ZC2HC1A: variants seen among roughly 807,000 people sequenced by gnomAD.
The protein encoded by ZC2HC1A is zinc finger C2HC-type containing 1A.
ZC2HC1A carries 28 observed loss-of-function variants against 40.7 expected under a neutral mutation model. The observed-to-expected ratio is 0.69, with a 90% confidence interval of 0.51 to 0.94. The LOEUF (loss-of-function observed/expected upper bound fraction) is 0.94, where lower values mean the gene tolerates loss of function less well. ZC2HC1A is among the 40% of genes least tolerant of loss of function. The probability of loss-of-function intolerance (pLI) is 0.00; values close to 1 mark genes in which losing one functional copy is unlikely to be tolerated. For missense variants in ZC2HC1A, 389 were observed against 386.3 expected (o/e 1.01, Z -0.06); for synonymous variants, 129 against 129.2 (o/e 1.00, Z 0.01).
At chr8:78,716,853 G>T (rs937761432) in intron 8 of ZC2HC1A, among the ~76,000 whole-genome samples, 16 of 152,208 alleles carry the variant, frequency 1.1e-4, no homozygotes, top group African/African-American at 3.6e-4. Flanking sequence ...AGTTCTCAAT[G>T]TATCTGATTG....
In ZC2HC1A at chr8:78,707,067, G is replaced by C. The variant is rs56815353; in HGVS notation, c.705-8154G>C. ...TCTGATTTATTTTCTTCTCCAATGAGTTGACTCATTGGATGATTAAGTGAA... is the reference window on the plus strand; with the variant it reads ...TCTGATTTATTTTCTTCTCCAATGACTTGACTCATTGGATGATTAAGTGAA... On this transcript the variant is annotated intron_variant, in intron 7 of 8. Coordinates refer to ENST00000263849, the MANE Select transcript of ZC2HC1A (RefSeq NM_016010.3). Among the ~76,000 whole-genome samples, 5 of 152,282 alleles carry C rather than the reference G, an allele frequency of 3.3e-5. No homozygotes were observed. The Middle Eastern group carries it at 0.01, about 311-fold the overall frequency.
chr8:78,682,030 G>A (rs138379775), intron 3 of ZC2HC1A, among the ~76,000 whole-genome samples: 40 of 151,430 alleles, frequency 2.6e-4, no homozygotes, highest in East Asian at 1.4e-3. Flanking sequence ...GGCATGAGCC[G>A]TCATACCTAG....
chr8:78,711,947 A>G, intron 7 of ZC2HC1A: 1 of 1,180,394 alleles, frequency 8.5e-7, no homozygotes, highest in Non-Finnish European at 1.1e-6. Context: ...ATAAAGAAGC[A>G]GTAGCAATCT....
intron 7 of ZC2HC1A, among the ~76,000 whole-genome samples, chr8:78,714,502 C>T (rs1433586780): frequency 6.6e-6 from 1 of 152,140 alleles, no homozygotes; most frequent in Non-Finnish European, 1.5e-5. Context: ...GAGACTCAGA[C>T]TTGCTGTCAC....
chr8:78,689,049 A>C (rs1420165952), intron 4 of ZC2HC1A, among the ~76,000 whole-genome samples, 173 bp from the exon 5 acceptor site: 1 of 149,442 alleles, frequency 6.7e-6, no homozygotes, highest in Non-Finnish European at 1.5e-5. Context: ...TTTTTTTTTA[A>C]CTCTTTACTA....
intron 1 of ZC2HC1A, among the ~76,000 whole-genome samples, chr8:78,671,348 A>G (rs1318734522): frequency 6.6e-6 from 1 of 152,212 alleles, no homozygotes; most frequent in Non-Finnish European, 1.5e-5. Context: ...CTAGAATATT[A>G]AAGTACTTTA....
At position 78,717,539 on chromosome 8, in the gene ZC2HC1A, T is replaced by A. The variant is rs1424982596; in HGVS notation, c.*46T>A. 3.3e-6 allele frequency: 5 copies of A among 1,532,394 alleles called. No homozygotes were observed. Among genetic ancestry groups the A allele is most frequent in the Admixed American group, 2.2e-5 (1 of 45,462 alleles). The allele number at this position is 1,532,394 out of a possible 1,614,324, so 94.9% of individuals were successfully genotyped here. A position where few individuals can be genotyped will look rare whatever the true frequency, so the allele number is the denominator to read the frequency against. On this transcript the variant is annotated 3_prime_UTR_variant, in exon 9 of 9. Coordinates refer to ENST00000263849, the MANE Select transcript of ZC2HC1A (RefSeq NM_016010.3). ...AAAAGCCAAGTTCAGAGTTTATGAT[T>A]ATTGCTGCTTGGACAGCTAGAGCAC...
At chr8:78,709,575 G>A (rs929036737) in intron 7 of ZC2HC1A, among the ~76,000 whole-genome samples, 1 of 152,076 alleles carries the variant, frequency 6.6e-6, no homozygotes, top group Non-Finnish European at 1.5e-5. Flanking sequence ...ATAAATTTAG[G>A]ATCAAAAGTA....
chr8:78,669,677 A>ATTT (rs1191080683), intron 1 of ZC2HC1A, among the ~76,000 whole-genome samples: 1 of 152,106 alleles, frequency 6.6e-6, no homozygotes, highest in Non-Finnish European at 1.5e-5. Context: ...TTGTGTCCTT[A>ATTT]TTAAACAAAC....
chr8:78,709,069 A>G (rs540895856), intron 7 of ZC2HC1A, among the ~76,000 whole-genome samples: 1 of 152,346 alleles, frequency 6.6e-6, no homozygotes, highest in East Asian at 1.9e-4. Flanking sequence ...GAGTTTACAC[A>G]GTTGTACCTT....
chr8:78,682,807 G>A lies in ZC2HC1A; in HGVS notation c.211-3660G>A, dbSNP rs1809832365. Among the ~76,000 whole-genome samples the A allele has an allele frequency of 2.0e-5, 3 of 152,148 alleles. No individual in the cohort carries two copies. The South Asian group carries it at 6.2e-4, about 31-fold the overall frequency. On this transcript the variant is annotated intron_variant, in intron 3 of 8. Transcript: ENST00000263849. The stretch of plus-strand genomic sequence containing the variant: ...GACAAGGCAAGTTTCTTCTGCCTGT[G>A]AGTCTCTAAAATCAAAAACAAGTTA...
chr8:78,695,812 G>A (rs191198028), intron 5 of ZC2HC1A, among the ~76,000 whole-genome samples: 1 of 152,154 alleles, frequency 6.6e-6, no homozygotes, highest in Non-Finnish European at 1.5e-5. Context: ...TATTTTTCAG[G>A]TGCTGGCATA....
intron 3 of ZC2HC1A, among the ~76,000 whole-genome samples, chr8:78,680,032 A>T (rs1809717377): frequency 6.6e-6 from 1 of 152,158 alleles, no homozygotes; most frequent in Non-Finnish European, 1.5e-5. Context: ...TCACTTTGCT[A>T]CATACCGTAT....
chr8:78,698,439 AAGTAG>A lies in ZC2HC1A; in HGVS notation c.631_635del (p.Ser211GlnfsTer15). The A allele has an allele frequency of 6.2e-7, 1 of 1,612,854 alleles. No homozygotes were observed. The highest frequency in any genetic ancestry group is 8.5e-7 in the Non-Finnish European group (1 of 1,179,304). On this transcript the variant is annotated frameshift_variant, in exon 7 of 9. Coordinates refer to ENST00000263849, the MANE Select transcript of ZC2HC1A (RefSeq NM_016010.3). LOFTEE classifies it high-confidence loss of function. ...GTGTTCCTTCAGGTAAAGTGTCTTC[AAGTAG>A]CAGCTCTTTGGGAAACAAACTTCAG...
At chr8:78,677,745 C>A (rs1228535703) in intron 2 of ZC2HC1A, among the ~76,000 whole-genome samples, 33 of 152,000 alleles carry the variant, frequency 2.2e-4, no homozygotes, top group Admixed American at 2.1e-3. Context: ...GGGTCCCAAT[C>A]CAGACACTAA....
chr8:78,701,755 G>T (rs1810613270), intron 7 of ZC2HC1A, among the ~76,000 whole-genome samples: 1 of 152,166 alleles, frequency 6.6e-6, no homozygotes, highest in African/African-American at 2.4e-5. Flanking sequence ...ATAATCATGT[G>T]CTTTTTGTCT....
intron 5 of ZC2HC1A, among the ~76,000 whole-genome samples, chr8:78,693,016 A>T (rs528626357): frequency 3.9e-5 from 6 of 152,090 alleles, no homozygotes; most frequent in African/African-American, 1.4e-4. Flanking sequence ...TTTGCTGAGA[A>T]TGATGGTTTC....
At chr8:78,705,645 G>T (rs1810749184) in intron 7 of ZC2HC1A, among the ~76,000 whole-genome samples, 1 of 152,082 alleles carries the variant, frequency 6.6e-6, no homozygotes, top group Non-Finnish European at 1.5e-5. Flanking sequence ...CTCTGGGTCG[G>T]CATGGGCTCT....
At chr8:78,681,020 C>CTTT (rs1809760019) in intron 3 of ZC2HC1A, among the ~76,000 whole-genome samples, 1 of 151,364 alleles carries the variant, frequency 6.6e-6, no homozygotes, top group South Asian at 2.1e-4. Context: ...CCTTAGAAAA[C>CTTT]ATTAGTGAAA....
Sources: allele counts gnomAD v4.1 joint callset (sites outside exome capture counted in the v4.1 genomes callset), GRCh38; gene constraint gnomAD v4.1.1; transcripts MANE v1.5; gene names NCBI Gene and HGNC (gene_info 2026-07-23, HGNC 2026-07-21).